The following MCTP1 variants were observed in gnomAD, a reference collection of about 807,000 sequenced individuals.
The protein encoded by MCTP1 is multiple C2 and transmembrane domain containing 1, also known as multiple C2 and transmembrane domain-containing protein 1.
A neutral mutation model predicts 120.6 loss-of-function variants in MCTP1; 69 were observed. The observed-to-expected ratio is 0.57, with a 90% confidence interval of 0.47 to 0.70. The LOEUF (loss-of-function observed/expected upper bound fraction) is 0.70. MCTP1 is among the 30% of genes least tolerant of loss of function. The probability of loss-of-function intolerance (pLI) is 0.00; values close to 1 mark genes in which losing one functional copy is unlikely to be tolerated. For synonymous variants in MCTP1, 529 were observed against 493.1 expected (o/e 1.07, Z -0.96); for missense variants, 1,203 against 1,248.8 (o/e 0.96, Z 0.55).
intron 19 of MCTP1, among the ~76,000 whole-genome samples, chr5:94,720,432 T>C (rs1760630370): frequency 6.6e-6 from 1 of 152,156 alleles, no homozygotes; most frequent in Non-Finnish European, 1.5e-5. Flanking sequence ...ATTGCATTTT[T>C]GTTTATAACA....
Position 95,284,156 on chromosome 5 carries a change from C to T in MCTP1, c.420G>A (p.Ser140=). The T allele has an allele frequency of 6.4e-7, 1 of 1,562,736 alleles. No individual in the cohort carries two copies. ...CAGGAGGCGTCCCTCCCGCTGCTCC[C>T]GAGGCCGCCGCGGGCCCCTTTACGG... ...LPAVKGPAAA[S]GAAGGTPPGG... Residue 140 remains serine (S), a synonymous_variant, in exon 1 of 23, where the codon TCG becomes TCA. Transcript: ENST00000515393. This position sits in a 1 kb window ranked among gnomAD's most constrained non-coding sequence, Gnocchi z 5.2.
chr5:95,161,869 T>C (rs1173693258), intron 1 of MCTP1, among the ~76,000 whole-genome samples: 2 of 152,160 alleles, frequency 1.3e-5, no homozygotes, highest in East Asian at 1.9e-4. Flanking sequence ...CACTCTACTA[T>C]ACTCCTATTT....
At chr5:94,791,580 A>G (rs1317709462) in intron 18 of MCTP1, among the ~76,000 whole-genome samples, 10 of 152,198 alleles carry the variant, frequency 6.6e-5, no homozygotes. Flanking sequence ...AGGAATATGA[A>G]GGATATTTCC....
intron 1 of MCTP1, among the ~76,000 whole-genome samples, chr5:95,097,297 CAG>C (rs1352068183): frequency 1.3e-5 from 2 of 152,092 alleles, no homozygotes; most frequent in African/African-American, 2.4e-5. Context: ...CACATGAGGA[CAG>C]AGAATAGCTT....
intron 19 of MCTP1, among the ~76,000 whole-genome samples, chr5:94,749,437 C>A (rs1767708609): frequency 6.6e-6 from 1 of 151,998 alleles, no homozygotes; most frequent in Non-Finnish European, 1.5e-5. Context: ...GACAGATCAC[C>A]TGAGGTCAGT....
intron 1 of MCTP1, among the ~76,000 whole-genome samples, chr5:95,049,686 C>G (rs1745409143): frequency 6.6e-6 from 1 of 152,146 alleles, no homozygotes; most frequent in Non-Finnish European, 1.5e-5. Context: ...TAATAATTAT[C>G]TAATGATCAC....
At chr5:95,246,632 C>A (rs1388919081) in intron 1 of MCTP1, among the ~76,000 whole-genome samples, 1 of 152,144 alleles carries the variant, frequency 6.6e-6, no homozygotes, top group African/African-American at 2.4e-5. Flanking sequence ...TATATATGCA[C>A]CCAATACAGG....
intron 1 of MCTP1, among the ~76,000 whole-genome samples, chr5:95,241,778 C>T (rs1756189209): frequency 1.3e-5 from 2 of 152,120 alleles, no homozygotes; most frequent in Non-Finnish European, 1.5e-5. Context: ...TTCTACCTGG[C>T]AGCAACATTC....
Position 95,284,418 on chromosome 5 carries a change from G to A in MCTP1, c.158C>T (p.Thr53Ile). Residue 53 changes from threonine (T) to isoleucine (I), a missense_variant, in exon 1 of 23, where the codon ACC (threonine) becomes ATC (isoleucine). By Grantham distance (89) the Thr-to-Ile change is moderately conservative. Transcript: ENST00000515393. The surrounding 1 kb of genome is among the most constrained non-coding windows in gnomAD (Gnocchi z 5.2). The part of the protein sequence containing the change: ...AGGPERRTAD[T>I]PSPSPPPPVG... The stretch of plus-strand genomic sequence containing the variant: ...CGGGGGTGGCGGGGAGGGCGACGGG[G>A]TGTCCGCAGTGCGGCGCTCTGGACC... 6.4e-7 allele frequency: 1 copy of A among 1,570,712 alleles called. No individual in the cohort carries two copies. The highest frequency in any genetic ancestry group is 8.6e-7 in the Non-Finnish European group (1 of 1,166,750).
rs746106344 is a variant in MCTP1 at position 94,909,333 on chromosome 5, G to A, written c.1570C>T (p.His524Tyr). The change falls in exon 10 of 23, where the codon CAC (histidine) becomes TAC (tyrosine). Residue 524 changes from histidine (H) to tyrosine (Y), a missense_variant. His to Tyr is a moderately conservative substitution (Grantham distance 83, BLOSUM62 2). Around this residue, in one of 2 missense-constraint regions of MCTP1, gnomAD observed 740 missense variants for 871.1 expected, o/e 0.85. Transcript: ENST00000515393. Reference sequence around the variant, plus strand: ...ACTCCTCCTCTTTCTTCATAAAGGTGAAAATCAAATTGTTCCCTCCACTGA... The same window carrying A: ...ACTCCTCCTCTTTCTTCATAAAGGTAAAAATCAAATTGTTCCCTCCACTGA... Reference protein sequence around the residue: ...NPQWREQFDFHLYEERGGVID... With the variant: ...NPQWREQFDFYLYEERGGVID... The A allele has an allele frequency of 6.2e-7, 1 of 1,608,250 alleles. No homozygotes were observed. The highest frequency in any genetic ancestry group is 1.3e-5 in the African/African-American group (1 of 74,508).
intron 10 of MCTP1, among the ~76,000 whole-genome samples, chr5:94,897,676 C>T (rs979331931): frequency 3.3e-5 from 5 of 152,106 alleles, no homozygotes; most frequent in Non-Finnish European, 7.4e-5. Context: ...ACTTTTTCCC[C>T]CAAACTTTTA....
chr5:94,751,676 CTT>C (rs1257119776), intron 19 of MCTP1, among the ~76,000 whole-genome samples: 1 of 152,084 alleles, frequency 6.6e-6, no homozygotes, highest in African/African-American at 2.4e-5. Context: ...GAAAGAATGA[CTT>C]TGAGAGTGTC....
At chr5:95,116,246 C>T (rs1055849511) in intron 1 of MCTP1, among the ~76,000 whole-genome samples, 6 of 151,912 alleles carry the variant, frequency 3.9e-5, no homozygotes, top group Non-Finnish European at 8.8e-5. Flanking sequence ...GTAAGTGCAC[C>T]GAAAAACACA....
chr5:94,739,063 A>G (rs957172900), intron 19 of MCTP1: 8 of 152,334 alleles, frequency 5.3e-5, no homozygotes, highest in South Asian at 2.1e-4. Flanking sequence ...AATTTCGGCC[A>G]AGAGAGCAGT....
intron 2 of MCTP1, among the ~76,000 whole-genome samples, chr5:94,956,664 A>G (rs1313399780): frequency 6.6e-6 from 1 of 152,154 alleles, no homozygotes; most frequent in African/African-American, 2.4e-5. Flanking sequence ...AAGAAAGGAT[A>G]TCAGAGATTG....
intron 1 of MCTP1, among the ~76,000 whole-genome samples, chr5:95,251,352 G>A (rs983355181): frequency 2.0e-5 from 3 of 152,092 alleles, no homozygotes; most frequent in African/African-American, 7.2e-5. Flanking sequence ...GAAGGTGGGA[G>A]GGACGAGAAT....
At chr5:95,187,691 C>T (rs751714626) in intron 1 of MCTP1, among the ~76,000 whole-genome samples, 2 of 152,214 alleles carry the variant, frequency 1.3e-5, no homozygotes, top group African/African-American at 2.4e-5. Context: ...TGAGCCACCG[C>T]GCCTGGCAAT....
chr5:95,109,858 A>G (rs1037808306), intron 1 of MCTP1, among the ~76,000 whole-genome samples: 2 of 152,190 alleles, frequency 1.3e-5, no homozygotes, highest in African/African-American at 4.8e-5. Flanking sequence ...GTGCTTTTGC[A>G]TAAATTCCCA....
At chr5:95,105,968 A>T (rs1458006485) in intron 1 of MCTP1, among the ~76,000 whole-genome samples, 3 of 152,190 alleles carry the variant, frequency 2.0e-5, no homozygotes, top group African/African-American at 4.8e-5. Context: ...GTTCCTAAAA[A>T]CATCAAGTCT....
Sources: allele counts gnomAD v4.1 joint callset (sites outside exome capture counted in the v4.1 genomes callset), GRCh38; gene constraint gnomAD v4.1.1; regional missense constraint gnomAD v4.1.1; non-coding constraint Gnocchi (gnomAD v3.1); transcripts MANE v1.5; gene names NCBI Gene and HGNC (gene_info 2026-07-23, HGNC 2026-07-21).